PER2: variants seen among roughly 807,000 people sequenced by gnomAD.
The protein encoded by PER2 is period circadian protein homolog 2.
In PER2, 66 loss-of-function variants were observed where a neutral mutation model predicts 121.0. That is an observed-to-expected ratio of 0.55 (90% confidence interval 0.45 to 0.67). The LOEUF is 0.67. PER2 is among the 30% of genes least tolerant of loss of function. PER2 has a pLI of 0.00. For missense variants in PER2, 1,521 were observed against 1,635.0 expected (o/e 0.93, Z 1.20); for synonymous variants, 684 against 659.9 (o/e 1.04, Z -0.56).
In PER2 at chr2:238,268,628, C is replaced by A. The variant is rs1161823124; in HGVS notation, c.824+295G>T. Among the ~76,000 whole-genome samples, 1 of 152,182 alleles carries A rather than the reference C, an allele frequency of 6.6e-6. No individual in the cohort carries two copies. On this transcript the variant is annotated intron_variant, in intron 7 of 22. Coordinates refer to ENST00000254657, the MANE Select transcript of PER2 (RefSeq NM_022817.3). This position sits in a 1 kb window ranked among gnomAD's most constrained non-coding sequence, Gnocchi z 4.0. ...CTCCCCAGAAAAACGCACAGACAAC[C>A]AAAAGACGCAGTGCTTTCAGAAACT...
At chr2:238,277,652 G>C (rs536212748) in intron 2 of PER2, 55 bp downstream of exon 2, 1 of 1,594,936 alleles carries the variant, frequency 6.3e-7, no homozygotes, top group Non-Finnish European at 8.6e-7. Flanking sequence ...CAGCAGAAAT[G>C]AGCCACTGAG....
intron 1 of PER2, 26 bp from the exon 2 acceptor site, chr2:238,277,981 G>A (rs962342042): frequency 7.5e-6 from 12 of 1,599,898 alleles, no homozygotes; most frequent in South Asian, 2.2e-5. Context: ...ATGCTGTCAC[G>A]CATTAACAAG....
chr2:238,277,664 AAAC>A (rs1696494452), intron 2 of PER2, 40 bp downstream of exon 2: 1 of 1,610,828 alleles, frequency 6.2e-7, no homozygotes. Context: ...GCCACTGAGA[AAAC>A]AACCTGCCCA....
In PER2 at chr2:238,253,717, CA is replaced by C; in HGVS notation, c.2321-16del. 6.3e-7 allele frequency: 1 copy of C among 1,578,100 alleles called. No homozygotes were observed. Among genetic ancestry groups the C allele is most frequent in the African/African-American group, 1.3e-5 (1 of 74,182 alleles). ...TCCAGGGGCAGCTAATGCAGAAAAA[CA>C]AATACTCGGAGTTAAAATTTTAACT... On this transcript the variant is annotated splice_polypyrimidine_tract_variant and intron_variant, in intron 18 of 22. Coordinates refer to ENST00000254657, the MANE Select transcript of PER2 (RefSeq NM_022817.3). This position sits in a 1 kb window ranked among gnomAD's most constrained non-coding sequence, Gnocchi z 5.6.
At chr2:238,266,092 G>C (rs184556425) in intron 8 of PER2, among the ~76,000 whole-genome samples, 2 of 151,750 alleles carry the variant, frequency 1.3e-5, no homozygotes, top group African/African-American at 2.4e-5. Flanking sequence ...TTTAGTTGAG[G>C]TGGGGTTTCA....
At position 238,252,289 on chromosome 2, in the gene PER2, C is replaced by T. The variant is rs76731390; in HGVS notation, c.3112-528G>A. ...ATCTACATGCTTGCACTTCCTCACC[C>T]GGGAGCCCTAGGTCCTCTGGCCAAG... On this transcript the variant is annotated intron_variant, in intron 19 of 22. Transcript: ENST00000254657. The surrounding 1 kb of genome is among the most constrained non-coding windows in gnomAD (Gnocchi z 4.2). 0.02 allele frequency among the ~76,000 whole-genome samples: 3,064 copies of T among 152,344 alleles called. 45 individuals carry two copies. Among genetic ancestry groups the T allele is most frequent in the Non-Finnish European group, 0.032 (2,187 of 68,030 alleles).
In PER2 at chr2:238,251,665, C is replaced by G; in HGVS notation, c.3208G>C (p.Gly1070Arg). ...CCCAGAGACTCCGAAGCAGCAGAGC[C>G]CGAGGCTGAGCAGAGGTCCTCATTC... Reference protein sequence around the residue: ...LLNEDLCSASGSAASESLGSG... With the variant: ...LLNEDLCSASRSAASESLGSG... Residue 1070 changes from glycine to arginine, a missense_variant, in exon 20 of 23, where the codon GGC becomes CGC. By Grantham distance (125) the Gly-to-Arg change is moderately radical. Coordinates refer to ENST00000254657, the MANE Select transcript of PER2 (RefSeq NM_022817.3). 6.2e-7 allele frequency: 1 copy of G among 1,614,182 alleles called. No homozygotes were observed. Among genetic ancestry groups the G allele is most frequent in the African/African-American group, 1.3e-5 (1 of 75,046 alleles).
intron 6 of PER2, among the ~76,000 whole-genome samples, chr2:238,270,128 C>A (rs1559331913): frequency 1.3e-5 from 2 of 152,238 alleles, no homozygotes. Context: ...TCTTTGGCCT[C>A]TCAGCTGCCT....
At chr2:238,246,686 C>T (rs1287180634) in intron 22 of PER2, among the ~76,000 whole-genome samples, 162 bp from the exon 23 acceptor site, 1 of 152,178 alleles carries the variant, frequency 6.6e-6, no homozygotes, top group Non-Finnish European at 1.5e-5. Flanking sequence ...ACCTTCCTGG[C>T]TAACACGGTG....
chr2:238,250,815 C>A, intron 20 of PER2, 72 bp from the exon 21 acceptor site: 1 of 1,094,464 alleles, frequency 9.1e-7, no homozygotes, highest in Non-Finnish European at 1.4e-6. Flanking sequence ...TGTGCTTCCT[C>A]AAAGTCAGAA....
chr2:238,250,845 G>A (rs534397582), intron 20 of PER2, 102 bp from the exon 21 acceptor site: 8 of 788,192 alleles, frequency 1.0e-5, no homozygotes, highest in Non-Finnish European at 1.7e-5. Context: ...AGAGCCCAGT[G>A]CCTTCTTAGG....
At chr2:238,278,062 G>C in intron 1 of PER2, 107 bp from the exon 2 acceptor site, 2 of 1,169,390 alleles carry the variant, frequency 1.7e-6, no homozygotes, top group Non-Finnish European at 2.5e-6. Context: ...TAATGAAACT[G>C]CAGTCTCTTT....
At chr2:238,255,616 A>G (rs1163939610) in intron 18 of PER2, 41 bp downstream of exon 18, 3 of 1,608,146 alleles carry the variant, frequency 1.9e-6, no homozygotes, top group Non-Finnish European at 2.6e-6. Context: ...CAACAGGAAT[A>G]AAGTTTTTTA....
At position 238,256,996 on chromosome 2, in the gene PER2, G is replaced by A. The variant is rs70965448; in HGVS notation, c.1991C>T (p.Ala664Val). 1,730 of 1,613,682 alleles carry A rather than the reference G, an allele frequency of 1.1e-3. 6 individuals carry two copies. The highest frequency in any genetic ancestry group is 9.9e-4 in the Middle Eastern group (6 of 6,060). ...GTAGCTGCACTGGCTGGTGAGCGAC[G>A]CCACACTCTCTGCCTTGCCCGGCAG... is the stretch of plus-strand genomic sequence containing the variant. ...LALPGKAESV[A>V]SLTSQCSYSS... is the part of the protein sequence containing the mutation. The change falls in exon 17 of 23, where the codon GCG becomes GTG. Residue 664 changes from alanine to valine, a missense_variant. Transcript: ENST00000254657.
intron 17 of PER2, 65 bp downstream of exon 17, chr2:238,256,857 G>A (rs746206824): frequency 2.3e-4 from 352 of 1,526,866 alleles, no homozygotes; most frequent in Non-Finnish European, 3.0e-4. Flanking sequence ...ATTTAAGATG[G>A]CAAACTTCTT....
At position 238,258,585 on chromosome 2, in the gene PER2, G is replaced by C; in HGVS notation, c.1687C>G (p.Leu563Val). The C allele has an allele frequency of 6.2e-7, 1 of 1,614,144 alleles. No homozygotes were observed. Among genetic ancestry groups the C allele is most frequent in the Non-Finnish European group, 8.5e-7 (1 of 1,179,988 alleles). The change falls in exon 15 of 23, where the codon CTG (leucine) becomes GTG (valine). Residue 563 changes from leucine to valine, a missense_variant. Physicochemically the swap from Leu to Val is conservative, Grantham distance 32. Coordinates refer to ENST00000254657, the MANE Select transcript of PER2 (RefSeq NM_022817.3). ...AACTCCTCGGGGAAGCTGACCCCCA[G>C]GCTGTCCTTTTCCATGGCAGGGACA... Reference protein sequence around the residue: ...KAVPAMEKDSLGVSFPEELAC... With the variant: ...KAVPAMEKDSVGVSFPEELAC...
chr2:238,250,629 C>G lies in PER2; in HGVS notation c.3389G>C (p.Cys1130Ser), dbSNP rs1559321717. 6.2e-7 allele frequency: 1 copy of G among 1,613,910 alleles called. No homozygotes were observed. The highest frequency in any genetic ancestry group is 8.5e-7 in the Non-Finnish European group (1 of 1,179,748). Residue 1130 changes from cysteine (C) to serine (S), a missense_variant, in exon 21 of 23, where the codon TGC becomes TCC. Physicochemically the swap from Cys to Ser is moderately radical, Grantham distance 112. Coordinates refer to ENST00000254657, the MANE Select transcript of PER2 (RefSeq NM_022817.3). ...CAGCCAGATGGGATCCTGCAGGACGCACTTAATGAAATGCTCACTTTCTTC... is the reference window on the plus strand; with the variant it reads ...CAGCCAGATGGGATCCTGCAGGACGGACTTAATGAAATGCTCACTTTCTTC... ...GMEESEHFIK[C>S]VLQDPIWLLM...
the PER2 span, chr2:238,299,688 T>C: frequency 1.3e-5 from 2 of 152,246 alleles, no homozygotes; most frequent in East Asian, 1.9e-4. Context: ...CTATGGACAA[T>C]TGAGTAGATA....
In PER2 at chr2:238,252,974, C is replaced by T; in HGVS notation, c.3049G>A (p.Ala1017Thr). The change falls in exon 19 of 23, where the codon GCT (alanine) becomes ACT (threonine). Residue 1017 changes from alanine (A) to threonine (T), a missense_variant. Ala to Thr is a moderately conservative substitution (Grantham distance 58). Coordinates refer to ENST00000254657, the MANE Select transcript of PER2 (RefSeq NM_022817.3). This position sits in a 1 kb window ranked among gnomAD's most constrained non-coding sequence, Gnocchi z 4.2. ...CCAGGTTTGCAGTCCGCCCCTACAG[C>T]TGCTGTCTCTGTGGCCCCTGTGGTC... ...MGTTGATETA[A>T]VGADCKPGTS... The T allele has an allele frequency of 6.2e-7, 1 of 1,614,022 alleles. No homozygotes were observed.
Sources: gnomAD v4.1 joint callset for allele counts (sites outside exome capture counted in the v4.1 genomes callset) on GRCh38, gnomAD v4.1.1 for gene constraint, Gnocchi (gnomAD v3.1) non-coding constraint, MANE v1.5 for transcripts, NCBI Gene and HGNC (gene_info 2026-07-23, HGNC 2026-07-21) for gene names.